ZFPM2: variants seen among roughly 807,000 people sequenced by gnomAD.
The protein encoded by ZFPM2 is zinc finger protein, FOG family member 2, also known as zinc finger protein ZFPM2.
A neutral mutation model predicts 98.6 loss-of-function variants in ZFPM2; 20 were observed. The ratio of observed to expected loss-of-function variants is 0.20; its 90% CI spans 0.14 to 0.29. The LOEUF is 0.29. ZFPM2 is among the 10% of genes least tolerant of loss of function. ZFPM2 has a pLI of 1.00. For synonymous variants in ZFPM2, 518 were observed against 502.7 expected (o/e 1.03, Z -0.41); for missense variants, 1,310 against 1,388.6 (o/e 0.94, Z 0.90).
intron 1 of ZFPM2, among the ~76,000 whole-genome samples, chr8:105,368,303 A>T (rs950936497): frequency 1.3e-5 from 2 of 152,090 alleles, no homozygotes; most frequent in Non-Finnish European, 2.9e-5. Flanking sequence ...AAGGAATGGT[A>T]CCAGTACCAC....
chr8:105,382,121 A>T (rs563852418), intron 1 of ZFPM2, among the ~76,000 whole-genome samples: 3 of 152,130 alleles, frequency 2.0e-5, no homozygotes, highest in Non-Finnish European at 4.4e-5. Flanking sequence ...TTATAATATT[A>T]TACTTTGGAT....
intron 1 of ZFPM2, among the ~76,000 whole-genome samples, chr8:105,414,557 C>G (rs1811640900): frequency 6.6e-6 from 1 of 151,058 alleles, no homozygotes; most frequent in African/African-American, 2.4e-5. Flanking sequence ...TATTTTGCAT[C>G]ATTTTCATCC....
chr8:105,721,717 C>G lies in ZFPM2; in HGVS notation c.533-67001C>G, dbSNP rs569432149. Among the ~76,000 whole-genome samples the G allele has an allele frequency of 7.9e-5, 12 of 152,014 alleles. No homozygotes were observed. In the Middle Eastern group the frequency reaches 0.014, roughly 174 times the overall value. On this transcript the variant is annotated intron_variant, in intron 5 of 7. Coordinates refer to ENST00000407775, the MANE Select transcript of ZFPM2 (RefSeq NM_012082.4). ...TTCTCTTGTTCTTACCTTCATCAGGCCTTCTATCCATGAATATTGAATTAT... is the reference window on the plus strand; with the variant it reads ...TTCTCTTGTTCTTACCTTCATCAGGGCTTCTATCCATGAATATTGAATTAT...
intron 1 of ZFPM2, among the ~76,000 whole-genome samples, chr8:105,389,013 CGTGTGTGTGTGTGTGTGTGT>C (rs142145699): frequency 0.012 from 1,582 of 134,900 alleles, 33 homozygotes; most frequent in African/African-American, 0.041. Context: ...AATTTGATGA[CGTGTGTGTGTGTGTGTGTGT>C]GTGTGTGTGT....
chr8:105,520,829 G>A (rs1483809830), intron 3 of ZFPM2, among the ~76,000 whole-genome samples: 3 of 146,704 alleles, frequency 2.0e-5, no homozygotes, highest in South Asian at 2.2e-4. Context: ...AGATAACAAC[G>A]TTAGAAAAGA....
rs141002435 is a variant in ZFPM2 at position 105,455,764 on chromosome 8, G to T, written c.301+11383G>T. On this transcript the variant is annotated intron_variant, in intron 3 of 7. Transcript: ENST00000407775. Reference sequence around the variant, plus strand: ...GAATATTTTGACACCATTTACTGAGGTAAGAAAGACTAAAGGAAAGGCATG... The same window carrying T: ...GAATATTTTGACACCATTTACTGAGTTAAGAAAGACTAAAGGAAAGGCATG... Among the ~76,000 whole-genome samples the T allele has an allele frequency of 1.9e-3, 292 of 152,236 alleles. 1 individual carries two copies. The highest frequency in any genetic ancestry group is 3.0e-3 in the Non-Finnish European group (205 of 68,024).
At chr8:105,766,853 C>G (rs571142903) in intron 5 of ZFPM2, among the ~76,000 whole-genome samples, 2 of 151,794 alleles carry the variant, frequency 1.3e-5, no homozygotes, top group Non-Finnish European at 2.9e-5. Context: ...AAATTTGTTA[C>G]TAAAATCAGC....
intron 3 of ZFPM2, among the ~76,000 whole-genome samples, chr8:105,509,266 A>G (rs1287062612): frequency 6.6e-6 from 1 of 152,188 alleles, no homozygotes; most frequent in Non-Finnish European, 1.5e-5. Flanking sequence ...GGTTGACAGC[A>G]GGTCAGGGTG....
At chr8:105,754,561 T>G (rs1052546621) in intron 5 of ZFPM2, among the ~76,000 whole-genome samples, 1 of 152,126 alleles carries the variant, frequency 6.6e-6, no homozygotes, top group African/African-American at 2.4e-5. Context: ...CTAGGGCCCC[T>G]GATCTCAAGA....
chr8:105,742,150 G>A (rs530771147), intron 5 of ZFPM2, among the ~76,000 whole-genome samples: 15 of 152,028 alleles, frequency 9.9e-5, no homozygotes, highest in Non-Finnish European at 1.9e-4. Flanking sequence ...TGGAGGCCAA[G>A]GAGGATCCAC....
At chr8:105,699,951 G>T (rs550540774) in intron 5 of ZFPM2, among the ~76,000 whole-genome samples, 1 of 152,030 alleles carries the variant, frequency 6.6e-6, no homozygotes, top group Non-Finnish European at 1.5e-5. Flanking sequence ...AATTATTATT[G>T]AAAAATGAAA....
chr8:105,379,977 T>C (rs1197608906), intron 1 of ZFPM2, among the ~76,000 whole-genome samples: 1 of 152,120 alleles, frequency 6.6e-6, no homozygotes, highest in Non-Finnish European at 1.5e-5. Context: ...TCCTAAGTCC[T>C]GAGAGTGCCT....
chr8:105,570,155 C>G (rs1257899063), intron 4 of ZFPM2, among the ~76,000 whole-genome samples: 1 of 152,076 alleles, frequency 6.6e-6, no homozygotes, highest in Admixed American at 6.6e-5. Flanking sequence ...TATACTCTAT[C>G]TGCTATGTGG....
intron 5 of ZFPM2, among the ~76,000 whole-genome samples, chr8:105,640,204 A>T (rs1316676012): frequency 6.6e-6 from 1 of 152,044 alleles, no homozygotes; most frequent in African/African-American, 2.4e-5. Flanking sequence ...TTCAATTCCC[A>T]ATTGTACAAT....
chr8:105,351,383 T>TGTTTG (rs1341418183), intron 1 of ZFPM2, among the ~76,000 whole-genome samples: 17 of 74,596 alleles, frequency 2.3e-4, no homozygotes, highest in South Asian at 5.2e-4. Flanking sequence ...GTGTGTGTGT[T>TGTTTG]TGTGTGTGTG....
chr8:105,672,058 CAAAT>C (rs1375660125), intron 5 of ZFPM2, among the ~76,000 whole-genome samples: 24 of 152,172 alleles, frequency 1.6e-4, no homozygotes, highest in African/African-American at 5.1e-4. Flanking sequence ...TTTGTTTCAT[CAAAT>C]AAATAAAGTC....
At chr8:105,630,865 G>C (rs914880230) in intron 4 of ZFPM2, among the ~76,000 whole-genome samples, 14 of 152,018 alleles carry the variant, frequency 9.2e-5, no homozygotes, top group Non-Finnish European at 1.8e-4. Flanking sequence ...GTTGGAGGGA[G>C]GGGGGAGTGG....
intron 3 of ZFPM2, among the ~76,000 whole-genome samples, chr8:105,463,680 C>G (rs1449451948): frequency 2.0e-5 from 3 of 151,994 alleles, no homozygotes; most frequent in African/African-American, 7.2e-5. Context: ...TCTTATTCAT[C>G]CAGGTGGCCT....
At chr8:105,693,980 CTTTTTTTTTTT>C (rs376834507) in intron 5 of ZFPM2, among the ~76,000 whole-genome samples, 1 of 118,412 alleles carries the variant, frequency 8.4e-6, no homozygotes, top group Non-Finnish European at 1.7e-5. Flanking sequence ...TTTTTCTTTT[CTTTTTTTTTTT>C]TTTTTTTTTT....
Sources: gnomAD v4.1 joint callset for allele counts (sites outside exome capture counted in the v4.1 genomes callset) on GRCh38, gnomAD v4.1.1 for gene constraint, MANE v1.5 for transcripts, NCBI Gene and HGNC (gene_info 2026-07-23, HGNC 2026-07-21) for gene names.